Variants in PANX2 observed in about 807,000 individuals in gnomAD.
PANX2 encodes pannexin 2.
PANX2 carries 30 observed loss-of-function variants against 38.7 expected under a neutral mutation model. The ratio of observed to expected loss-of-function variants is 0.78; its 90% CI spans 0.58 to 1.05. PANX2 has a LOEUF of 1.05. Ranked by LOEUF, PANX2 falls within the 50% of genes least tolerant of loss-of-function variation. The pLI is 0.00. For synonymous variants in PANX2, 539 were observed against 472.1 expected, an observed-to-expected ratio of 1.14 and a Z score of -1.84; for missense variants, 880 against 979.3, an observed-to-expected ratio of 0.90 and a Z score of 1.35.
chr22:50,177,804 G>T lies in PANX2; in HGVS notation c.1092G>T (p.Leu364=). The T allele has an allele frequency of 6.2e-7, 1 of 1,602,848 alleles. No homozygotes were observed. The highest frequency in any genetic ancestry group is 1.1e-5 in the South Asian group (1 of 91,080). Residue 364 remains leucine, a synonymous_variant, in exon 2 of 3, where the codon CTG becomes CTT. Coordinates refer to ENST00000395842, the MANE Select transcript of PANX2 (RefSeq NM_052839.4). ...NRDHIKSLNR[L]DFITNESDLM... The stretch of plus-strand genomic sequence containing the variant: ...ACCACATCAAGTCGCTCAACCGGCT[G>T]GACTTCATCACCAACGAGAGCGACC...
At chr22:50,173,161 G>A (rs1181046025) in intron 1 of PANX2, among the ~76,000 whole-genome samples, 1 of 151,866 alleles carries the variant, frequency 6.6e-6, no homozygotes, top group African/African-American at 2.4e-5. Flanking sequence ...CTCCCAAAGT[G>A]CTGGGATTAC....
At position 50,175,381 on chromosome 22, in the gene PANX2, A is replaced by G. The variant is rs2063656329; in HGVS notation, c.227-1558A>G. On this transcript the variant is annotated intron_variant, in intron 1 of 2. Transcript: ENST00000395842. The stretch of plus-strand genomic sequence containing the variant: ...TGCCCAGCAAGGGTGGCTGCCAGGG[A>G]TGGGCCCAGCTCAGGACGGGACACA... The G allele has an allele frequency of 5.1e-6, 5 of 988,522 alleles. No homozygotes were observed. The African/African-American group carries it at 6.9e-5, about 14-fold the overall frequency. 61.2% of individuals were successfully genotyped at this position (988,522 alleles called of 1,614,324 possible). A position where few individuals can be genotyped will look rare whatever the true frequency, so the allele number is the denominator to read the frequency against.
chr22:50,177,948 C>T lies in PANX2; in HGVS notation c.1236C>T (p.Ala412=), dbSNP rs779250420. The change falls in exon 2 of 3, where the codon GCC becomes GCT. Residue 412 remains alanine, a synonymous_variant. Coordinates refer to ENST00000395842, the MANE Select transcript of PANX2 (RefSeq NM_052839.4). ...CCGTGGACCCCAGCGCCAACCCCGC[C>T]GAGCCCGACGGCGCCGCCGAGCCGC... ...VQTVDPSANP[A]EPDGAAEPPV... 4 of 1,532,734 alleles carry T rather than the reference C, an allele frequency of 2.6e-6. No homozygotes were observed. The highest frequency in any genetic ancestry group is 1.4e-5 in the African/African-American group (1 of 72,516). The allele number at this position is 1,532,734 out of a possible 1,614,324, so 94.9% of individuals were successfully genotyped here.
Position 50,177,592 on chromosome 22 carries a change from G to A in PANX2, c.880G>A (p.Asp294Asn), listed in dbSNP as rs2063669994. Residue 294 changes from aspartate (D) to asparagine (N), a missense_variant, in exon 2 of 3, where the codon GAC becomes AAC. Coordinates refer to ENST00000395842, the MANE Select transcript of PANX2 (RefSeq NM_052839.4). ...VQLQRIIAGV[D>N]IVLLCVMNLI... ...ACTGCAGCGCATCATCGCGGGCGTG[G>A]ACATCGTGCTGCTGTGCGTCATGAA... The A allele has an allele frequency of 1.9e-6, 3 of 1,612,702 alleles. No individual in the cohort carries two copies. In the South Asian group the frequency reaches 3.3e-5, roughly 18 times the overall value.
intron 1 of PANX2, among the ~76,000 whole-genome samples, chr22:50,174,048 G>A (rs539417694): frequency 3.7e-4 from 56 of 152,344 alleles, no homozygotes; most frequent in African/African-American, 1.2e-3. Flanking sequence ...GGTCTGTAAG[G>A]CCAGGGGAGT....
Position 50,170,953 on chromosome 22 carries a change from G to A in PANX2, c.223G>A (p.Ala75Thr). Residue 75 changes from alanine to threonine, a missense_variant, in exon 1 of 3, where the codon GCA (alanine) becomes ACA (threonine). Physicochemically the swap from Ala to Thr is moderately conservative, Grantham distance 58 (BLOSUM62 0). Around this residue, in one of 4 missense-constraint regions of PANX2, gnomAD observed 243 missense variants for 333.1 expected, o/e 0.73. Coordinates refer to ENST00000395842, the MANE Select transcript of PANX2 (RefSeq NM_052839.4). ...LVTLVFTKNFAEEPIYCYTPH... is the reference protein window; with the variant it reads ...LVTLVFTKNFTEEPIYCYTPH... ...CACCCTGGTCTTCACCAAGAACTTC[G>A]CAGGTGAGGCCGGCGGCCGGGGCGC... 2.7e-6 allele frequency: 4 copies of A among 1,495,162 alleles called. No individual in the cohort carries two copies. The highest frequency in any genetic ancestry group is 2.8e-5 in the East Asian group (1 of 35,366). 92.6% of individuals were successfully genotyped at this position (1,495,162 alleles called of 1,614,324 possible). A position where few individuals can be genotyped will look rare whatever the true frequency, so the allele number is the denominator to read the frequency against.
chr22:50,176,908 GC>G (rs1569067543), intron 1 of PANX2, 30 bp from the exon 2 acceptor site: 7 of 1,495,350 alleles, frequency 4.7e-6, no homozygotes, highest in Non-Finnish European at 6.2e-6. Flanking sequence ...GCGCCTCCCC[GC>G]CCCAGCCCGT....
rs1431670087 is a variant in PANX2 at position 50,179,001 on chromosome 22, G to A, written c.1758G>A (p.Gly586=). Residue 586 remains glycine (G), a synonymous_variant, in exon 3 of 3, where the codon GGG becomes GGA. Coordinates refer to ENST00000395842, the MANE Select transcript of PANX2 (RefSeq NM_052839.4). The part of the protein sequence containing the change: ...TEPARAGLPS[G]GPFHVRSPPA... ...CAGCCCGGGCAGGGCTTCCCTCGGG[G>A]GGCCCGTTCCACGTCCGCTCACCTC... The A allele has an allele frequency of 3.7e-6, 6 of 1,609,324 alleles. No individual in the cohort carries two copies. The highest frequency in any genetic ancestry group is 5.1e-6 in the Non-Finnish European group (6 of 1,178,088).
Position 50,177,019 on chromosome 22 carries a change from C to T in PANX2, c.307C>T (p.Leu103=). 1 of 1,604,316 alleles carries T rather than the reference C, an allele frequency of 6.2e-7. No homozygotes were observed. The highest frequency in any genetic ancestry group is 8.5e-7 in the Non-Finnish European group (1 of 1,177,520). ...LYARGYCWTE[L]RDALPGVDAS... ...CGCCCGCGGCTACTGCTGGACGGAG[C>T]TGCGGGACGCGCTGCCCGGCGTGGA... Residue 103 remains leucine (L), a synonymous_variant, in exon 2 of 3, where the codon CTG becomes TTG. Coordinates refer to ENST00000395842, the MANE Select transcript of PANX2 (RefSeq NM_052839.4).
chr22:50,179,314 C>A lies in PANX2; in HGVS notation c.*37C>A. ...GTCCAGGCCGCCGAGAGCCCCTCTG[C>A]CTGTGTCGTGTGGCCTGGCCAGCCT... On this transcript the variant is annotated 3_prime_UTR_variant, in exon 3 of 3. Transcript: ENST00000395842. 1.3e-6 allele frequency: 2 copies of A among 1,572,224 alleles called. No individual in the cohort carries two copies. Among genetic ancestry groups the A allele is most frequent in the Non-Finnish European group, 1.7e-6 (2 of 1,150,942 alleles).
In PANX2 at chr22:50,178,098, C is replaced by G. The variant is rs538347741; in HGVS notation, c.1386C>G (p.Pro462=). 1.2e-5 allele frequency: 19 copies of G among 1,548,604 alleles called. No homozygotes were observed. In the East Asian group the frequency reaches 4.3e-4, roughly 35 times the overall value. The change falls in exon 2 of 3, where the codon CCC becomes CCG. Residue 462 remains proline, a synonymous_variant. Coordinates refer to ENST00000395842, the MANE Select transcript of PANX2 (RefSeq NM_052839.4). ...VENSKAEKPK[P]ARRKTATDTL... ...ACAGCAAGGCGGAGAAGCCGAAGCC[C>G]GCGCGCAGGAAGACGGCCACGGACA...
intron 1 of PANX2, among the ~76,000 whole-genome samples, chr22:50,172,437 T>A (rs2063637342): frequency 6.6e-6 from 1 of 152,128 alleles, no homozygotes; most frequent in Admixed American, 6.5e-5. Context: ...GTGTCCAAAT[T>A]TCCTTTTTTT....
rs769587979 is a variant in PANX2 at position 50,179,171 on chromosome 22, G to A, written c.1928G>A (p.Arg643His). The A allele has an allele frequency of 1.2e-6, 2 of 1,607,956 alleles. No individual in the cohort carries two copies. The highest frequency in any genetic ancestry group is 2.2e-5 in the East Asian group (1 of 44,598). ...EAREEEDGGP[R>H]LPQDVGDLIA... ...CGGGAGGAGGAGGACGGGGGCCCCC[G>A]CCTGCCGCAGGACGTGGGGGACCTC... is the stretch of plus-strand genomic sequence containing the variant. Residue 643 changes from arginine to histidine, a missense_variant, in exon 3 of 3, where the codon CGC becomes CAC. Transcript: ENST00000395842.
chr22:50,176,835 C>T (rs1261207911), intron 1 of PANX2, 104 bp from the exon 2 acceptor site: 3 of 1,243,474 alleles, frequency 2.4e-6, no homozygotes, highest in East Asian at 2.6e-5. Context: ...GCTGGAGAGG[C>T]TCCTGGGAGG....
rs758599303 is a variant in PANX2 at position 50,179,214 on chromosome 22, A to G, written c.1971A>G (p.Pro657=). The change falls in exon 3 of 3, where the codon CCA becomes CCG. Residue 657 remains proline (P), a synonymous_variant. Coordinates refer to ENST00000395842, the MANE Select transcript of PANX2 (RefSeq NM_052839.4). Reference sequence around the variant, plus strand: ...GGGACCTCATCGCCATCCCTGCCCCACAGCAGATCCTCATCGCCACCTTCG... The same window carrying G: ...GGGACCTCATCGCCATCCCTGCCCCGCAGCAGATCCTCATCGCCACCTTCG... ...DVGDLIAIPA[P]QQILIATFDE... The G allele has an allele frequency of 1.9e-6, 3 of 1,612,634 alleles. No individual in the cohort carries two copies. The highest frequency in any genetic ancestry group is 8.5e-7 in the Non-Finnish European group (1 of 1,179,878).
chr22:50,178,895 A>G, intron 2 of PANX2, 39 bp from the exon 3 acceptor site: 1 of 1,498,372 alleles, frequency 6.7e-7, no homozygotes, highest in Non-Finnish European at 9.0e-7. Context: ...GGCGCAGCGG[A>G]GGATGGTGTG....
chr22:50,175,875 C>T (rs995940468), intron 1 of PANX2, among the ~76,000 whole-genome samples: 6 of 152,364 alleles, frequency 3.9e-5, no homozygotes, highest in East Asian at 1.9e-4. Context: ...TGGACAGAGT[C>T]TCTAATCCGC....
intron 1 of PANX2, among the ~76,000 whole-genome samples, chr22:50,174,520 G>A (rs908048597): frequency 6.6e-6 from 1 of 152,212 alleles, no homozygotes; most frequent in Non-Finnish European, 1.5e-5. Context: ...GGCTGGGTGT[G>A]GACAGGCTCC....
intron 1 of PANX2, among the ~76,000 whole-genome samples, chr22:50,171,834 G>A (rs560558610): frequency 1.3e-5 from 2 of 151,880 alleles, no homozygotes; most frequent in African/African-American, 4.8e-5. Context: ...TCTGCAGCGG[G>A]GAGGGGTGTT....
Sources: gnomAD v4.1 joint callset for allele counts (sites outside exome capture counted in the v4.1 genomes callset) on GRCh38, gnomAD v4.1.1 for gene constraint, gnomAD v4.1.1 regional missense constraint, MANE v1.5 for transcripts, NCBI Gene and HGNC (gene_info 2026-07-23, HGNC 2026-07-21) for gene names.